LAMA2: variants seen among roughly 807,000 people sequenced by gnomAD.
LAMA2 encodes the protein laminin subunit alpha-2.
A neutral mutation model predicts 364.8 loss-of-function variants in LAMA2; 269 were observed. The ratio of observed to expected loss-of-function variants is 0.74; its 90% confidence interval spans 0.67 to 0.82. The LOEUF (loss-of-function observed/expected upper bound fraction) is 0.82. LAMA2 is among the 40% of genes least tolerant of loss of function. LAMA2 has a pLI of 0.00. For missense variants in LAMA2, 3,807 were observed against 3,873.2 expected, an observed-to-expected ratio of 0.98 and a Z score of 0.45; for synonymous variants, 1,379 against 1,370.6, an observed-to-expected ratio of 1.01 and a Z score of -0.14.
chr6:129,514,686 T>G, intron 64 of LAMA2, 91 bp downstream of exon 64: 1 of 997,112 alleles, frequency 1.0e-6, no homozygotes, highest in Non-Finnish European at 1.6e-6. Flanking sequence ...TAAGAATGTG[T>G]GCTTATGTGT....
intron 1 of LAMA2, among the ~76,000 whole-genome samples, chr6:128,904,033 A>T (rs2114425604): frequency 6.6e-6 from 1 of 152,330 alleles, no homozygotes; most frequent in Non-Finnish European, 1.5e-5. Flanking sequence ...CAATAGTTTT[A>T]TCCATTCTAG....
At chr6:129,161,017 T>G (rs895005326) in intron 8 of LAMA2, among the ~76,000 whole-genome samples, 1 of 152,046 alleles carries the variant, frequency 6.6e-6, no homozygotes, top group Admixed American at 6.5e-5. Flanking sequence ...TACCTTTCTT[T>G]CATTTTTTTC....
intron 2 of LAMA2, among the ~76,000 whole-genome samples, chr6:129,055,349 G>A (rs1393125081): frequency 1.3e-5 from 2 of 151,736 alleles, no homozygotes; most frequent in African/African-American, 2.4e-5. Flanking sequence ...GTGCCACTGC[G>A]TCTGGCTAAT....
chr6:129,042,951 T>C (rs1320870979), intron 1 of LAMA2, among the ~76,000 whole-genome samples: 1 of 152,192 alleles, frequency 6.6e-6, no homozygotes, highest in East Asian at 1.9e-4. Flanking sequence ...GTTTGGCTAT[T>C]ATGATAAAAA....
intron 40 of LAMA2, among the ~76,000 whole-genome samples, chr6:129,422,366 G>T (rs1041859750): frequency 1.5e-4 from 23 of 152,068 alleles, no homozygotes; most frequent in Non-Finnish European, 1.5e-5. Context: ...CAACACGGAG[G>T]TCTGTATCAG....
At position 129,048,485 on chromosome 6, in the gene LAMA2, TTTCTTTCTTTCCTTCCTTCC is replaced by T. The variant is rs1389934467; in HGVS notation, c.113-1429_113-1410del. ...CTTTCTTTCTTTCTTTCTTTCTTTC[TTTCTTTCTTTCCTTCCTTCC>T]TTCCTTCCTTCCTTCCTTCCTTCCT... On this transcript the variant is annotated intron_variant, in intron 1 of 64. Transcript: ENST00000421865. Among the ~76,000 whole-genome samples, 421 of 86,860 alleles carry T rather than the reference TTTCTTTCTTTCCTTCCTTCC, an allele frequency of 4.8e-3. 1 individual carries two copies. The highest frequency in any genetic ancestry group is 6.6e-3 in the Non-Finnish European group (284 of 43,310). The allele number at this position is 86,860 out of a possible 152,430, so 57.0% of individuals were successfully genotyped here.
intron 1 of LAMA2, among the ~76,000 whole-genome samples, chr6:129,039,038 CA>C (rs1443497165): frequency 6.6e-6 from 1 of 152,128 alleles, no homozygotes; most frequent in Non-Finnish European, 1.5e-5. Flanking sequence ...CATTCTTATT[CA>C]GTAAATTTAA....
At chr6:128,942,599 G>A (rs1780224904) in intron 1 of LAMA2, among the ~76,000 whole-genome samples, 1 of 152,094 alleles carries the variant, frequency 6.6e-6, no homozygotes. Flanking sequence ...TTTTGTTGTT[G>A]TTGTGTACAG....
intron 28 of LAMA2, among the ~76,000 whole-genome samples, chr6:129,323,862 T>A (rs1208830900): frequency 1.3e-5 from 2 of 152,234 alleles, no homozygotes; most frequent in Non-Finnish European, 2.9e-5. Flanking sequence ...TCTTCCCATA[T>A]TTTAAAAGGG....
chr6:129,402,623 G>A, intron 39 of LAMA2, 136 bp downstream of exon 39: 1 of 877,846 alleles, frequency 1.1e-6, no homozygotes, highest in Non-Finnish European at 1.8e-6. Context: ...TGGCCTTTCT[G>A]TGGATAGGCT....
chr6:128,887,161 A>G (rs1471679645), intron 1 of LAMA2, among the ~76,000 whole-genome samples: 2 of 152,208 alleles, frequency 1.3e-5, no homozygotes, highest in Non-Finnish European at 2.9e-5. Context: ...GATTTTCCAC[A>G]TCATCGTCAA....
At chr6:128,936,597 A>G (rs34316100) in intron 1 of LAMA2, among the ~76,000 whole-genome samples, 10,687 of 152,226 alleles carry the variant, frequency 0.07, 456 homozygotes, top group South Asian at 0.12. Context: ...AAAAAGTTTA[A>G]TTTATGTTAG....
chr6:129,029,087 A>G (rs1786037952), intron 1 of LAMA2, among the ~76,000 whole-genome samples: 1 of 151,954 alleles, frequency 6.6e-6, no homozygotes, highest in Non-Finnish European at 1.5e-5. Flanking sequence ...ATATTATTAA[A>G]AATACAAGGA....
chr6:129,091,308 C>T (rs1257976934), intron 3 of LAMA2, among the ~76,000 whole-genome samples: 1 of 152,128 alleles, frequency 6.6e-6, no homozygotes, highest in East Asian at 1.9e-4. Flanking sequence ...ATGTTCTCTT[C>T]AAAGTATTAT....
intron 15 of LAMA2, among the ~76,000 whole-genome samples, chr6:129,265,912 T>G (rs1306123174): frequency 1.3e-5 from 2 of 152,126 alleles, no homozygotes; most frequent in African/African-American, 4.8e-5. Flanking sequence ...CTGTTCAAAT[T>G]AAGGGGAAAG....
chr6:129,466,452 C>A (rs935693715), intron 51 of LAMA2, among the ~76,000 whole-genome samples: 2 of 151,888 alleles, frequency 1.3e-5, no homozygotes, highest in Non-Finnish European at 2.9e-5. Context: ...ATAACACATC[C>A]TTTTCCAGCT....
At chr6:129,121,703 T>C (rs905933180) in intron 4 of LAMA2, among the ~76,000 whole-genome samples, 2 of 152,170 alleles carry the variant, frequency 1.3e-5, no homozygotes, top group African/African-American at 4.8e-5. Flanking sequence ...ATAAACAGGT[T>C]TTCAGAAATT....
intron 12 of LAMA2, among the ~76,000 whole-genome samples, chr6:129,216,181 G>A (rs1783413251): frequency 6.6e-6 from 1 of 152,160 alleles, no homozygotes; most frequent in Non-Finnish European, 1.5e-5. Flanking sequence ...GCTACATTCT[G>A]CAGATTAAAC....
chr6:129,216,287 G>A (rs1201285306), intron 12 of LAMA2, among the ~76,000 whole-genome samples: 1 of 151,986 alleles, frequency 6.6e-6, no homozygotes, highest in Non-Finnish European at 1.5e-5. Flanking sequence ...TATCCTTGAG[G>A]GCAAAACATG....
Sources: allele counts gnomAD v4.1 joint callset (sites outside exome capture counted in the v4.1 genomes callset), GRCh38; gene constraint gnomAD v4.1.1; transcripts MANE v1.5; gene names NCBI Gene and HGNC (gene_info 2026-07-23, HGNC 2026-07-21).